TRAPPC9: variants seen among roughly 807,000 people sequenced by gnomAD.
The protein encoded by TRAPPC9 is trafficking protein particle complex subunit 9.
Under a neutral mutation model 124.0 loss-of-function variants are expected in TRAPPC9, and 83 were observed. That is an observed-to-expected ratio of 0.67 (90% CI 0.56 to 0.80). The LOEUF (loss-of-function observed/expected upper bound fraction) is 0.80. Among genes scored for constraint, TRAPPC9 ranks in the 30% least tolerant of loss-of-function variants. The pLI is 0.00. For missense variants in TRAPPC9, 1,302 were observed against 1,508.3 expected (o/e 0.86, Z 2.27); for synonymous variants, 638 against 617.5 (o/e 1.03, Z -0.49).
At chr8:140,383,384 G>A (rs1363085397) in intron 7 of TRAPPC9, among the ~76,000 whole-genome samples, 2 of 152,156 alleles carry the variant, frequency 1.3e-5, no homozygotes, top group South Asian at 2.1e-4. Context: ...GAGGAAGTTC[G>A]AACCCATTGC....
rs2065409812 is a variant in TRAPPC9, at chr8:140,284,039, C to A, written c.1982-18G>T. The A allele has an allele frequency of 3.7e-6, 6 of 1,613,722 alleles. No individual in the cohort carries two copies. The highest frequency in any genetic ancestry group is 5.1e-6 in the Non-Finnish European group (6 of 1,179,838). On this transcript the variant is annotated intron_variant, in intron 13 of 22. Transcript: ENST00000438773. ...ATGGTAACCTGGAATAGAAAAGGAA[C>A]TTCTTCACTCCACTGGCAAGGCTTT... is the stretch of plus-strand genomic sequence containing the variant.
intron 9 of TRAPPC9, among the ~76,000 whole-genome samples, chr8:140,315,740 T>A (rs2066426574): frequency 6.6e-6 from 1 of 152,216 alleles, no homozygotes; most frequent in African/African-American, 2.4e-5. Context: ...AGATACTAGG[T>A]TCCCTAAAGT....
At chr8:139,793,017 C>T (rs1007185862) in intron 21 of TRAPPC9, among the ~76,000 whole-genome samples, 3 of 152,174 alleles carry the variant, frequency 2.0e-5, no homozygotes, top group Admixed American at 6.5e-5. Context: ...CAGAGTGATC[C>T]GCTGGGTCTG....
chr8:140,021,673 G>C (rs190474312), intron 18 of TRAPPC9, among the ~76,000 whole-genome samples: 2 of 152,244 alleles, frequency 1.3e-5, no homozygotes. Context: ...TCTTTATATA[G>C]CACCTGAAAC....
intron 21 of TRAPPC9, 76 bp from the exon 22 acceptor site, chr8:139,732,278 T>C: frequency 7.6e-7 from 1 of 1,323,540 alleles, no homozygotes; most frequent in Non-Finnish European, 1.0e-6. Context: ...CACTCGCTGA[T>C]TCATTCATTT....
chr8:140,116,596 T>G (rs2060891453), intron 17 of TRAPPC9, among the ~76,000 whole-genome samples: 1 of 152,130 alleles, frequency 6.6e-6, no homozygotes, highest in Admixed American at 6.5e-5. Flanking sequence ...TTTTAAAGAG[T>G]CACATATATC....
intron 17 of TRAPPC9, among the ~76,000 whole-genome samples, chr8:140,197,674 A>G (rs2131139092): frequency 6.6e-6 from 1 of 152,310 alleles, no homozygotes; most frequent in Non-Finnish European, 1.5e-5. Context: ...CCTTAGGGAT[A>G]TTTCATTTAA....
chr8:139,915,101 G>A (rs1045919616), intron 19 of TRAPPC9, among the ~76,000 whole-genome samples: 19 of 152,230 alleles, frequency 1.2e-4, no homozygotes, highest in African/African-American at 4.3e-4. Context: ...CACCTGCCTC[G>A]TCTGCAGCGG....
At chr8:140,337,159 G>A (rs368022187) in intron 9 of TRAPPC9, among the ~76,000 whole-genome samples, 7 of 152,236 alleles carry the variant, frequency 4.6e-5, no homozygotes, top group Admixed American at 6.5e-5. Context: ...GCTCGCACAC[G>A]CAGCCGCGGA....
At chr8:139,796,402 C>A (rs1035717671) in intron 21 of TRAPPC9, among the ~76,000 whole-genome samples, 3 of 152,178 alleles carry the variant, frequency 2.0e-5, no homozygotes, top group Non-Finnish European at 4.4e-5. Flanking sequence ...TCCAATGATG[C>A]ATCAGACGCC....
chr8:140,061,515 C>T (rs1434382399), intron 17 of TRAPPC9, among the ~76,000 whole-genome samples: 1 of 152,148 alleles, frequency 6.6e-6, no homozygotes, highest in Non-Finnish European at 1.5e-5. Context: ...AGAGCCATGT[C>T]CGCTCTGACA....
At position 139,742,283 on chromosome 8, in the gene TRAPPC9, C is replaced by A. The variant is rs78120490; in HGVS notation, c.3056-10081G>T. Among the ~76,000 whole-genome samples the A allele has an allele frequency of 6.6e-6, 1 of 152,206 alleles. No individual in the cohort carries two copies. The highest frequency in any genetic ancestry group is 1.5e-5 in the Non-Finnish European group (1 of 68,046). On this transcript the variant is annotated intron_variant, in intron 21 of 22. Transcript: ENST00000438773. This position sits in a 1 kb window ranked among gnomAD's most constrained non-coding sequence, Gnocchi z 4.7. The stretch of plus-strand genomic sequence containing the variant: ...TACCCCCAACCGGCCATGCTGCCGG[C>A]GCTCACTGCTCCCTGTGCAGACAGC...
chr8:140,122,255 A>G (rs1463152708), intron 17 of TRAPPC9, among the ~76,000 whole-genome samples: 1 of 152,168 alleles, frequency 6.6e-6, no homozygotes, highest in African/African-American at 2.4e-5. Context: ...GAGCTTAGAA[A>G]CAGATCCAAC....
At chr8:140,285,568 C>T (rs2065458798) in intron 13 of TRAPPC9, among the ~76,000 whole-genome samples, 1 of 152,164 alleles carries the variant, frequency 6.6e-6, no homozygotes, top group Non-Finnish European at 1.5e-5. Context: ...GGCCCTCTGC[C>T]TCCCTTCCAG....
chr8:140,373,994 A>C (rs1214944280), intron 7 of TRAPPC9, among the ~76,000 whole-genome samples: 1 of 152,206 alleles, frequency 6.6e-6, no homozygotes, highest in Non-Finnish European at 1.5e-5. Flanking sequence ...GGGAGTGTTC[A>C]TAAGCAAAAG....
intron 21 of TRAPPC9, among the ~76,000 whole-genome samples, chr8:139,799,336 T>A (rs1309711571): frequency 6.6e-6 from 1 of 152,192 alleles, no homozygotes; most frequent in Non-Finnish European, 1.5e-5. Context: ...CCAACCTTTT[T>A]TGCACTATCA....
chr8:139,975,092 G>A (rs1274748993), intron 19 of TRAPPC9, among the ~76,000 whole-genome samples: 1 of 152,134 alleles, frequency 6.6e-6, no homozygotes, highest in East Asian at 1.9e-4. Flanking sequence ...AGGGACAGCG[G>A]TGATTATGAG....
At chr8:140,133,708 T>A (rs1175298001) in intron 17 of TRAPPC9, among the ~76,000 whole-genome samples, 1 of 152,146 alleles carries the variant, frequency 6.6e-6, no homozygotes, top group Admixed American at 6.6e-5. Context: ...TCAGGTAAGT[T>A]GCAAGATACA....
chr8:139,895,575 T>C (rs1467145415), intron 20 of TRAPPC9, among the ~76,000 whole-genome samples: 3 of 152,138 alleles, frequency 2.0e-5, no homozygotes, highest in Admixed American at 6.5e-5. Flanking sequence ...AAAATTAGCA[T>C]AACAAAAGTA....
Sources: allele counts gnomAD v4.1 joint callset (sites outside exome capture counted in the v4.1 genomes callset), GRCh38; gene constraint gnomAD v4.1.1; non-coding constraint Gnocchi (gnomAD v3.1); transcripts MANE v1.5; gene names NCBI Gene and HGNC (gene_info 2026-07-23, HGNC 2026-07-21).